GRIN2A: variants seen among roughly 807,000 people sequenced by gnomAD.
The protein encoded by GRIN2A is glutamate ionotropic receptor NMDA type subunit 2A, also known as glutamate receptor ionotropic, NMDA 2A.
Under a neutral mutation model 113.4 loss-of-function variants are expected in GRIN2A, and 22 were observed. The observed-to-expected ratio is 0.19, with a 90% confidence interval of 0.14 to 0.28. The LOEUF is 0.28. Among genes scored for constraint, GRIN2A ranks in the 10% least tolerant of loss-of-function variants. GRIN2A has a pLI of 1.00. For missense variants in GRIN2A, 1,502 were observed against 1,887.0 expected, an observed-to-expected ratio of 0.80 and a Z score of 3.78; for synonymous variants, 827 against 738.4, an observed-to-expected ratio of 1.12 and a Z score of -1.94.
chr16:9,880,748 C>T (rs1385442532), intron 4 of GRIN2A, among the ~76,000 whole-genome samples: 1 of 152,204 alleles, frequency 6.6e-6, no homozygotes, highest in Middle Eastern at 3.2e-3. Context: ...GGAATGGCCT[C>T]CTCACACATA....
At chr16:9,986,119 C>T (rs2045975634) in intron 2 of GRIN2A, among the ~76,000 whole-genome samples, 2 of 152,006 alleles carry the variant, frequency 1.3e-5, no homozygotes, top group African/African-American at 4.8e-5. Flanking sequence ...ACCCAACCTC[C>T]TTTGGAAACA....
chr16:9,871,871 C>A (rs1004409261), intron 4 of GRIN2A, among the ~76,000 whole-genome samples: 1 of 152,190 alleles, frequency 6.6e-6, no homozygotes, highest in African/African-American at 2.4e-5. Context: ...CACAATTGCA[C>A]TTGCTTTGTA....
chr16:10,105,840 G>C (rs1468824315), intron 2 of GRIN2A, among the ~76,000 whole-genome samples: 1 of 152,200 alleles, frequency 6.6e-6, no homozygotes, highest in African/African-American at 2.4e-5. Flanking sequence ...CCAGGAGGTG[G>C]GGGTTGCAGA....
chr16:9,868,468 T>C (rs1259200343), intron 4 of GRIN2A, among the ~76,000 whole-genome samples: 1 of 152,162 alleles, frequency 6.6e-6, no homozygotes, highest in Non-Finnish European at 1.5e-5. Context: ...GGTTTTGCCA[T>C]GTTAGCCACA....
At chr16:10,004,143 C>T (rs373329687) in intron 2 of GRIN2A, among the ~76,000 whole-genome samples, 5 of 152,092 alleles carry the variant, frequency 3.3e-5, no homozygotes, top group Non-Finnish European at 7.4e-5. Context: ...GTAATCCCAG[C>T]ATTTTGGGAG....
intron 2 of GRIN2A, among the ~76,000 whole-genome samples, chr16:10,040,792 G>A (rs1212430625): frequency 6.6e-6 from 1 of 152,248 alleles, no homozygotes; most frequent in African/African-American, 2.4e-5. Flanking sequence ...CACTGCATCT[G>A]CCTCTGTTCC....
At chr16:10,062,310 T>C (rs1291249101) in intron 2 of GRIN2A, among the ~76,000 whole-genome samples, 2 of 152,200 alleles carry the variant, frequency 1.3e-5, no homozygotes, top group Non-Finnish European at 2.9e-5. Flanking sequence ...AAAGTATGGC[T>C]GCATTCCAAT....
chr16:9,920,679 C>A (rs1228902663), intron 3 of GRIN2A, among the ~76,000 whole-genome samples: 1 of 151,930 alleles, frequency 6.6e-6, no homozygotes, highest in Non-Finnish European at 1.5e-5. Context: ...GATTCCCCTG[C>A]CTCAGCCTCC....
chr16:9,971,170 T>C (rs2045662614), intron 2 of GRIN2A, among the ~76,000 whole-genome samples: 1 of 152,228 alleles, frequency 6.6e-6, no homozygotes, highest in African/African-American at 2.4e-5. Flanking sequence ...GACAGGTGGA[T>C]TGCTTTATTC....
intron 2 of GRIN2A, among the ~76,000 whole-genome samples, chr16:10,153,168 G>C (rs1286858043): frequency 1.3e-5 from 2 of 152,144 alleles, no homozygotes; most frequent in Admixed American, 1.3e-4. Context: ...TTCTGGTGGG[G>C]TATGTGGATC....
rs566643084 is a variant in GRIN2A, at chr16:9,762,964, A to C, written c.*185T>G. ...CTGCCATGCTCAGCACACACCTCACAAGATTCCTTGAGTGGAAGATTATGG... is the reference window on the plus strand; with the variant it reads ...CTGCCATGCTCAGCACACACCTCACCAGATTCCTTGAGTGGAAGATTATGG... On this transcript the variant is annotated 3_prime_UTR_variant, in exon 13 of 13. Coordinates refer to ENST00000330684, the MANE Select transcript of GRIN2A (RefSeq NM_001134407.3). 1 of 651,166 alleles carries C rather than the reference A, an allele frequency of 1.5e-6. No individual in the cohort carries two copies. Among genetic ancestry groups the C allele is most frequent in the Non-Finnish European group, 2.7e-6 (1 of 375,022 alleles). 40.3% of individuals were successfully genotyped at this position (651,166 alleles called of 1,614,324 possible). A position where few individuals can be genotyped will look rare whatever the true frequency, so the allele number is the denominator to read the frequency against.
At chr16:9,979,774 G>T (rs2045851860) in intron 2 of GRIN2A, among the ~76,000 whole-genome samples, 1 of 96,934 alleles carries the variant, frequency 1.0e-5, no homozygotes, top group South Asian at 4.5e-4. Context: ...TACATATAAG[G>T]GACTATGGGA....
intron 2 of GRIN2A, among the ~76,000 whole-genome samples, chr16:10,146,125 A>C (rs1035444307): frequency 2.7e-5 from 4 of 149,978 alleles, no homozygotes; most frequent in African/African-American, 4.9e-5. Context: ...TTTATTCAAC[A>C]TTTTTTTTTT....
At chr16:10,075,126 C>T (rs547477979) in intron 2 of GRIN2A, among the ~76,000 whole-genome samples, 1 of 152,200 alleles carries the variant, frequency 6.6e-6, no homozygotes, top group Admixed American at 6.5e-5. Context: ...TGCATGGGTC[C>T]TCTCCTATGC....
intron 3 of GRIN2A, among the ~76,000 whole-genome samples, chr16:9,913,080 T>C (rs2044177566): frequency 6.6e-6 from 1 of 152,230 alleles, no homozygotes; most frequent in South Asian, 2.1e-4. Context: ...GAGGGTCCCT[T>C]CCACTGATAG....
At chr16:10,028,611 C>T (rs2046866224) in intron 2 of GRIN2A, among the ~76,000 whole-genome samples, 1 of 152,138 alleles carries the variant, frequency 6.6e-6, no homozygotes. Context: ...TTCTTAAATC[C>T]CCACATGAAG....
chr16:9,961,100 C>A (rs999386286), intron 2 of GRIN2A, among the ~76,000 whole-genome samples: 10 of 152,146 alleles, frequency 6.6e-5, no homozygotes, highest in African/African-American at 2.4e-4. Flanking sequence ...CTTTAGCACC[C>A]AAAAGACTAT....
intron 2 of GRIN2A, among the ~76,000 whole-genome samples, chr16:10,174,804 A>G (rs1441235025): frequency 3.3e-5 from 5 of 151,962 alleles, no homozygotes; most frequent in Non-Finnish European, 7.4e-5. Context: ...ATAGAATTGA[A>G]GAAACCTTCC....
At chr16:9,890,956 C>G (rs781156159) in intron 4 of GRIN2A, 30 bp downstream of exon 4, 1 of 1,347,568 alleles carries the variant, frequency 7.4e-7, no homozygotes, top group Non-Finnish European at 1.1e-6. Flanking sequence ...TCTTCCCTCC[C>G]CTGCATTCAG....
Sources: gnomAD v4.1 joint callset for allele counts (sites outside exome capture counted in the v4.1 genomes callset) on GRCh38, gnomAD v4.1.1 for gene constraint, MANE v1.5 for transcripts, NCBI Gene and HGNC (gene_info 2026-07-23, HGNC 2026-07-21) for gene names.